The following HMGB1 variants were observed in gnomAD, a reference collection of about 807,000 sequenced individuals.
HMGB1 encodes the protein high mobility group protein B1.
For synonymous variants in HMGB1, 81 were observed against 84.0 expected (o/e 0.96, Z 0.19); for missense variants, 79 against 253.5 (o/e 0.31, Z 4.67).
intron 1 of HMGB1, among the ~76,000 whole-genome samples, chr13:30,504,213 T>A (rs965716625): frequency 1.3e-5 from 2 of 152,168 alleles, no homozygotes; most frequent in Non-Finnish European, 2.9e-5. Context: ...GAAGGCTGGA[T>A]GTGAATTACC....
chr13:30,567,960 G>A lies in HMGB1; in HGVS notation c.-15+48711C>T, dbSNP rs189901098. Among the ~76,000 whole-genome samples the A allele has an allele frequency of 1.7e-3, 261 of 152,204 alleles. 1 individual carries two copies. The highest frequency in any genetic ancestry group is 4.5e-3 in the African/African-American group (186 of 41,524). On this transcript the variant is annotated intron_variant, in intron 1 of 4. Coordinates refer to the HMGB1 transcript ENST00000405805. ...CTCCTGCAGCTAAAGATGAAGACTCGTCCATTGGGCAGTTGATTAATTGTA... is the reference window on the plus strand; with the variant it reads ...CTCCTGCAGCTAAAGATGAAGACTCATCCATTGGGCAGTTGATTAATTGTA...
intron 1 of HMGB1, among the ~76,000 whole-genome samples, chr13:30,488,919 T>TATA (rs1377937213): frequency 6.6e-6 from 1 of 151,880 alleles, no homozygotes; most frequent in East Asian, 1.9e-4. Context: ...CATATATACA[T>TATA]ATAATAATAA....
chr13:30,531,927 T>C (rs1273814188), intron 1 of HMGB1, among the ~76,000 whole-genome samples: 1 of 151,568 alleles, frequency 6.6e-6, no homozygotes, highest in Non-Finnish European at 1.5e-5. Flanking sequence ...ATAAAATAAA[T>C]AATAAATAAA....
chr13:30,546,474 C>G (rs1869164382), intron 1 of HMGB1, among the ~76,000 whole-genome samples: 1 of 152,040 alleles, frequency 6.6e-6, no homozygotes, highest in Admixed American at 6.6e-5. Flanking sequence ...AGGAGGGAAT[C>G]TGGAAGTGTG....
At chr13:30,557,026 T>A (rs1474295362) in intron 1 of HMGB1, among the ~76,000 whole-genome samples, 1 of 152,238 alleles carries the variant, frequency 6.6e-6, no homozygotes, top group East Asian at 1.9e-4. Flanking sequence ...ACAATTGGTA[T>A]TTGTCAATTT....
intron 1 of HMGB1, among the ~76,000 whole-genome samples, chr13:30,555,048 T>TTG: frequency 7.2e-6 from 1 of 139,512 alleles, no homozygotes; most frequent in African/African-American, 2.7e-5. Context: ...TTTTTTTTTT[T>TTG]TTTTTTTTTT....
At chr13:30,469,089 C>T (rs755894853), upstream of HMGB1, among the ~76,000 whole-genome samples, 34 of 152,156 alleles carry the variant, frequency 2.2e-4, no homozygotes, top group South Asian at 4.2e-4. Context: ...GACGGTTTCA[C>T]CATGTTGGTC....
chr13:30,495,091 T>C (rs1887580652), intron 1 of HMGB1, among the ~76,000 whole-genome samples: 1 of 152,210 alleles, frequency 6.6e-6, no homozygotes, highest in Non-Finnish European at 1.5e-5. Context: ...GACAATTGGG[T>C]CATCCCTAAT....
intron 1 of HMGB1, among the ~76,000 whole-genome samples, chr13:30,517,250 C>G (rs1436056339): frequency 7.9e-5 from 12 of 152,232 alleles, no homozygotes; most frequent in Non-Finnish European, 1.3e-4. Context: ...GCGTTTCTAA[C>G]AAGTTCCCAG....
rs375547070 is a variant in HMGB1, at chr13:30,596,826, A to T, written c.-15+19845T>A. ...TCCATCTATAATTTATTATTGCTCC[A>T]TGATTAACGGAAGGCATAGGAAAGA... On this transcript the variant is annotated intron_variant, in intron 1 of 4. Coordinates refer to the HMGB1 transcript ENST00000405805. Among the ~76,000 whole-genome samples the T allele has an allele frequency of 2.6e-5, 4 of 152,356 alleles. No homozygotes were observed. In the East Asian group the frequency reaches 5.8e-4, roughly 22 times the overall value.
chr13:30,608,957 T>C (rs1950486301), intron 1 of HMGB1, among the ~76,000 whole-genome samples: 1 of 152,150 alleles, frequency 6.6e-6, no homozygotes, highest in African/African-American at 2.4e-5. Context: ...ACAGAAACTA[T>C]AAAAAACACG....
rs145261382 is a variant in HMGB1 at position 30,485,130 on chromosome 13, C to T, written c.-14-21436G>A. ...TACTGCAATCCCCACCTCCCGGGTT[C>T]AAGTGGTTCTCCTGCCTCAGCCTCC... On this transcript the variant is annotated intron_variant, in intron 1 of 4. Transcript: ENST00000405805. 2.5e-4 allele frequency among the ~76,000 whole-genome samples: 38 copies of T among 149,740 alleles called. No homozygotes were observed. In the East Asian group the frequency reaches 7.0e-3, roughly 27 times the overall value.
chr13:30,557,297 A>C (rs1305336143), intron 1 of HMGB1, among the ~76,000 whole-genome samples: 4 of 152,314 alleles, frequency 2.6e-5, no homozygotes, highest in South Asian at 4.2e-4. Context: ...AACTGAAATA[A>C]GGTGCTCCTC....
At chr13:30,481,896 C>G (rs2137431620) in intron 1 of HMGB1, among the ~76,000 whole-genome samples, 1 of 152,088 alleles carries the variant, frequency 6.6e-6, no homozygotes, top group Middle Eastern at 3.4e-3. Flanking sequence ...AGTGGTGCCT[C>G]TTGGCTCACC....
At chr13:30,469,790 C>T (rs1886878081), upstream of HMGB1, among the ~76,000 whole-genome samples, 1 of 152,110 alleles carries the variant, frequency 6.6e-6, no homozygotes, top group Non-Finnish European at 1.5e-5. Flanking sequence ...GCCACCACGC[C>T]CAGCTTATTT....
chr13:30,518,923 G>T (rs1888162612), intron 1 of HMGB1, among the ~76,000 whole-genome samples: 5 of 145,790 alleles, frequency 3.4e-5, no homozygotes, highest in Admixed American at 1.4e-4. Context: ...TTTTATTTTT[G>T]TAGAGATGGG....
chr13:30,510,844 C>T (rs1213631843), intron 1 of HMGB1, among the ~76,000 whole-genome samples: 1 of 152,176 alleles, frequency 6.6e-6, no homozygotes, highest in Non-Finnish European at 1.5e-5. Flanking sequence ...AATTCTCCTC[C>T]AGCCCTCCTC....
intron 1 of HMGB1, among the ~76,000 whole-genome samples, chr13:30,580,483 A>G (rs1870851423): frequency 6.6e-6 from 1 of 152,226 alleles, no homozygotes; most frequent in African/African-American, 2.4e-5. Context: ...AAATTCATCC[A>G]CTGATGCATG....
At chr13:30,613,949 A>G (rs1566041282) in intron 1 of HMGB1, among the ~76,000 whole-genome samples, 1 of 151,860 alleles carries the variant, frequency 6.6e-6, no homozygotes, top group African/African-American at 2.4e-5. Context: ...ATAATGGTAC[A>G]TTATAAAATG....
Sources: gnomAD v4.1 joint callset for allele counts (sites outside exome capture counted in the v4.1 genomes callset) on GRCh38, gnomAD v4.1.1 for gene constraint, MANE v1.5 for transcripts, NCBI Gene and HGNC (gene_info 2026-07-23, HGNC 2026-07-21) for gene names.